MAP2K5: variants seen among roughly 807,000 people sequenced by gnomAD.
The protein encoded by MAP2K5 is mitogen-activated protein kinase kinase 5.
In MAP2K5, 49 loss-of-function variants were observed where a neutral mutation model predicts 83.1. The observed-to-expected ratio is 0.59, with a 90% CI of 0.47 to 0.75. MAP2K5 has a LOEUF of 0.75. MAP2K5 is among the 30% of genes least tolerant of loss of function. The pLI is 0.00. For missense variants in MAP2K5, 457 were observed against 557.5 expected (o/e 0.82, Z 1.82); for synonymous variants, 202 against 191.8 (o/e 1.05, Z -0.44).
intron 13 of MAP2K5, among the ~76,000 whole-genome samples, chr15:67,678,097 A>G (rs964973897): frequency 6.6e-6 from 1 of 152,230 alleles, no homozygotes; most frequent in African/African-American, 2.4e-5. Context: ...TTTGTAATGC[A>G]GAACGTCAGC....
chr15:67,771,561 T>C (rs1163628797), intron 20 of MAP2K5, among the ~76,000 whole-genome samples: 2 of 152,194 alleles, frequency 1.3e-5, no homozygotes, highest in Non-Finnish European at 2.9e-5. Flanking sequence ...AGCCTTGTTT[T>C]CCCAAGAGAT....
rs770261138 is a variant in MAP2K5 at position 67,646,391 on chromosome 15, G to A, written c.658G>A (p.Asp220Asn). 1.3e-5 allele frequency: 20 copies of A among 1,582,076 alleles called. 1 individual carries two copies. In the South Asian group the frequency reaches 1.8e-4, roughly 14 times the overall value. The change falls in exon 11 of 22, where the codon GAT becomes AAT. Residue 220 changes from aspartate to asparagine, a missense_variant. Around this residue, in one of 3 missense-constraint regions of MAP2K5, gnomAD observed 168 missense variants for 263.0 expected, o/e 0.64. Coordinates refer to ENST00000178640, the MANE Select transcript of MAP2K5 (RefSeq NM_145160.3). ...MSELEILYKC[D>N]SSYIIGFYGA... ...TTTTGTCTTATTTTTGTTACAGTGC[G>A]ATTCATCATATATCATTGGATTTTA...
intron 13 of MAP2K5, among the ~76,000 whole-genome samples, chr15:67,683,936 A>C (rs1274488647): frequency 6.6e-6 from 1 of 152,222 alleles, no homozygotes; most frequent in Non-Finnish European, 1.5e-5. Flanking sequence ...AGAGAACAGA[A>C]ACAAATGAAG....
rs1452197634 is a variant in MAP2K5, at chr15:67,572,639, A to G, written c.253-8115A>G. ...TCATGGGGAGATGTGCTCTGCTACA[A>G]GGGTTTGTGATAAAGGATTCATTTT... On this transcript the variant is annotated intron_variant, in intron 3 of 21. Coordinates refer to ENST00000178640, the MANE Select transcript of MAP2K5 (RefSeq NM_145160.3). This position sits in a 1 kb window ranked among gnomAD's most constrained non-coding sequence, Gnocchi z 4.2. Among the ~76,000 whole-genome samples, 7 of 152,126 alleles carry G rather than the reference A, an allele frequency of 4.6e-5. No homozygotes were observed. Among genetic ancestry groups the G allele is most frequent in the Non-Finnish European group, 1.0e-4 (7 of 68,022 alleles).
In MAP2K5 at chr15:67,806,830, T is replaced by C. The variant is rs2090821791; in HGVS notation, c.*80T>C. The C allele has an allele frequency of 6.3e-7, 1 of 1,597,762 alleles. No individual in the cohort carries two copies. The highest frequency in any genetic ancestry group is 8.5e-7 in the Non-Finnish European group (1 of 1,179,248). ...CCGTCGCCCTTCTCCGTATGCTGCC[T>C]GCGCCAGAAGAGCTTTGCTGGGCCC... On this transcript the variant is annotated 3_prime_UTR_variant, in exon 22 of 22. Coordinates refer to ENST00000178640, the MANE Select transcript of MAP2K5 (RefSeq NM_145160.3).
Position 67,733,814 on chromosome 15 carries a change from G to A in MAP2K5, c.1074+5869G>A, listed in dbSNP as rs565836679. Reference sequence around the variant, plus strand: ...AAATATGCATTCTTAATGATATAACGACTGGCACCTTCCATAGATAGTTCA... The same window carrying A: ...AAATATGCATTCTTAATGATATAACAACTGGCACCTTCCATAGATAGTTCA... On this transcript the variant is annotated intron_variant, in intron 17 of 21. Transcript: ENST00000178640. Among the ~76,000 whole-genome samples the A allele has an allele frequency of 6.6e-5, 10 of 152,296 alleles. No individual in the cohort carries two copies. The East Asian group carries it at 7.7e-4, about 12-fold the overall frequency.
chr15:67,752,509 C>T (rs2089742575), intron 19 of MAP2K5, among the ~76,000 whole-genome samples: 1 of 151,498 alleles, frequency 6.6e-6, no homozygotes, highest in Non-Finnish European at 1.5e-5. Context: ...GAAACCCCAT[C>T]TCTACTAAAA....
At chr15:67,608,669 A>G (rs773833969) in intron 8 of MAP2K5, among the ~76,000 whole-genome samples, 11 of 152,272 alleles carry the variant, frequency 7.2e-5, no homozygotes, top group Admixed American at 2.0e-4. Flanking sequence ...GAGAAAGAGA[A>G]GATTAAAGGG....
rs1311591518 is a variant in MAP2K5 at position 67,747,057 on chromosome 15, T to C, written c.1075-1174T>C. 6.6e-6 allele frequency among the ~76,000 whole-genome samples: 1 copy of C among 152,182 alleles called. No individual in the cohort carries two copies. The highest frequency in any genetic ancestry group is 1.5e-5 in the Non-Finnish European group (1 of 68,028). ...TGATCATAGGCAAGTGTAATACAGA[T>C]GCTGGAAGGAAAGGAGCTCTGGAGG... On this transcript the variant is annotated intron_variant, in intron 17 of 21. Coordinates refer to ENST00000178640, the MANE Select transcript of MAP2K5 (RefSeq NM_145160.3). The surrounding 1 kb of genome is among the most constrained non-coding windows in gnomAD (Gnocchi z 4.1).
In MAP2K5 at chr15:67,698,478, C is replaced by A. The variant is rs2088321820; in HGVS notation, c.973-4859C>A. Among the ~76,000 whole-genome samples the A allele has an allele frequency of 6.6e-6, 1 of 152,176 alleles. No individual in the cohort carries two copies. Among genetic ancestry groups the A allele is most frequent in the African/African-American group, 2.4e-5 (1 of 41,448 alleles). ...GTGCTGGGATTACAGGTGTGAGCCA[C>A]CACGCTCAGCCCAGAAATTCTAATT... On this transcript the variant is annotated intron_variant, in intron 15 of 21. Transcript: ENST00000178640. This position sits in a 1 kb window ranked among gnomAD's most constrained non-coding sequence, Gnocchi z 4.5.
At chr15:67,791,586 T>C (rs2090519845) in intron 21 of MAP2K5, among the ~76,000 whole-genome samples, 2 of 152,238 alleles carry the variant, frequency 1.3e-5, no homozygotes, top group Admixed American at 6.5e-5. Context: ...GCTATTATAT[T>C]GCACATCATC....
chr15:67,767,143 A>G lies in MAP2K5; in HGVS notation c.1135-2459A>G, dbSNP rs185238816. On this transcript the variant is annotated intron_variant, in intron 19 of 21. Coordinates refer to ENST00000178640, the MANE Select transcript of MAP2K5 (RefSeq NM_145160.3). The stretch of plus-strand genomic sequence containing the variant: ...CAGTGTTCCTTAGTCTTATAATATG[A>G]GGAACTTAACAGGCTACAATATCAG... Among the ~76,000 whole-genome samples the G allele has an allele frequency of 2.6e-5, 4 of 152,322 alleles. No individual in the cohort carries two copies. The East Asian group carries it at 7.7e-4, about 29-fold the overall frequency.
rs1380840987 is a variant in MAP2K5 at position 67,665,250 on chromosome 15, CAT to C, written c.847+606_847+607del. On this transcript the variant is annotated intron_variant, in intron 13 of 21. Coordinates refer to ENST00000178640, the MANE Select transcript of MAP2K5 (RefSeq NM_145160.3). The surrounding 1 kb of genome is among the most constrained non-coding windows in gnomAD (Gnocchi z 4.2). ...AGTCCCCTTGTCTAGTAACAGAACA[CAT>C]GAGAGAATAATCAGATGAGTGTTGA... Among the ~76,000 whole-genome samples the C allele has an allele frequency of 6.6e-6, 1 of 152,008 alleles. No individual in the cohort carries two copies. The highest frequency in any genetic ancestry group is 1.5e-5 in the Non-Finnish European group (1 of 67,992).
chr15:67,670,534 C>T, intron 13 of MAP2K5: 1 of 447,862 alleles, frequency 2.2e-6, no homozygotes, highest in Non-Finnish European at 4.5e-6. Context: ...GAGAAAAGCT[C>T]TTCTTACATC....
At chr15:67,550,647 C>G (rs1388343633) in intron 2 of MAP2K5, among the ~76,000 whole-genome samples, 1 of 151,406 alleles carries the variant, frequency 6.6e-6, no homozygotes, top group Non-Finnish European at 1.5e-5. Flanking sequence ...CAGAGGACAT[C>G]ATGGAATGAG....
chr15:67,549,994 A>G (rs1481275732), intron 1 of MAP2K5, 40 bp from the exon 2 acceptor site: 1 of 1,533,790 alleles, frequency 6.5e-7, no homozygotes. Flanking sequence ...AGCAATAAAG[A>G]AGATGGCTAA....
At chr15:67,756,053 C>A (rs1056164172) in intron 19 of MAP2K5, among the ~76,000 whole-genome samples, 5 of 152,208 alleles carry the variant, frequency 3.3e-5, no homozygotes, top group African/African-American at 2.4e-5. Context: ...ATCTCTCCCC[C>A]ACACTAGGGC....
intron 3 of MAP2K5, among the ~76,000 whole-genome samples, chr15:67,568,344 T>C (rs972059830): frequency 2.0e-5 from 3 of 152,168 alleles, no homozygotes; most frequent in African/African-American, 7.2e-5. Flanking sequence ...ACCTTATAAA[T>C]TGGGATATGA....
At chr15:67,548,521 TACTA>T (rs1221578682) in intron 1 of MAP2K5, among the ~76,000 whole-genome samples, 1 of 152,262 alleles carries the variant, frequency 6.6e-6, no homozygotes, top group Non-Finnish European at 1.5e-5. Context: ...ACTTTACAAA[TACTA>T]ACTCATTTGT....
Sources: gnomAD v4.1 joint callset for allele counts (sites outside exome capture counted in the v4.1 genomes callset) on GRCh38, gnomAD v4.1.1 for gene constraint, gnomAD v4.1.1 regional missense constraint, Gnocchi (gnomAD v3.1) non-coding constraint, MANE v1.5 for transcripts, NCBI Gene and HGNC (gene_info 2026-07-23, HGNC 2026-07-21) for gene names.